Variants in NKAIN2 observed in about 807,000 individuals in gnomAD.
NKAIN2 encodes the protein sodium/potassium-transporting ATPase subunit beta-1-interacting protein 2.
A neutral mutation model predicts 32.6 loss-of-function variants in NKAIN2; 14 were observed. The observed-to-expected ratio is 0.43, with a 90% CI of 0.28 to 0.67. The LOEUF is 0.67. Ranked by LOEUF, NKAIN2 falls within the 30% of genes least tolerant of loss-of-function variation. The pLI, the probability that NKAIN2 is intolerant of heterozygous loss-of-function variation, is 0.17. For missense variants in NKAIN2, 198 were observed against 258.3 expected, an observed-to-expected ratio of 0.77 and a Z score of 1.60; for synonymous variants, 80 against 87.2, an observed-to-expected ratio of 0.92 and a Z score of 0.46.
intron 3 of NKAIN2, among the ~76,000 whole-genome samples, chr6:124,361,084 A>G (rs775639189): frequency 8.5e-5 from 13 of 152,168 alleles, no homozygotes; most frequent in Non-Finnish European, 1.9e-4. Flanking sequence ...CACAGAAGAG[A>G]TATGCTATTT....
At chr6:124,582,951 G>A (rs1295212271) in intron 3 of NKAIN2, among the ~76,000 whole-genome samples, 1 of 151,942 alleles carries the variant, frequency 6.6e-6, no homozygotes, top group Non-Finnish European at 1.5e-5. Flanking sequence ...AAAAAACTAG[G>A]TATAGAAGGA....
chr6:123,910,007 C>A (rs1775092825), intron 1 of NKAIN2, among the ~76,000 whole-genome samples: 1 of 151,904 alleles, frequency 6.6e-6, no homozygotes, highest in South Asian at 2.1e-4. Context: ...AAAAATGTAA[C>A]CGTAACAGTG....
At chr6:124,166,599 A>G (rs998320687) in intron 1 of NKAIN2, among the ~76,000 whole-genome samples, 7 of 151,574 alleles carry the variant, frequency 4.6e-5, no homozygotes, top group African/African-American at 1.5e-4. Context: ...GCCCATGCCT[A>G]TGTCCTGAAT....
At position 124,803,285 on chromosome 6, in the gene NKAIN2, C is replaced by G. The variant is rs184098172; in HGVS notation, c.535+11886C>G. On this transcript the variant is annotated intron_variant, in intron 5 of 6. Coordinates refer to ENST00000368417, the MANE Select transcript of NKAIN2 (RefSeq NM_001040214.3). ...AATTATTCTTTTGTCTTCTTGCAACCCTGCCCAAATCTGAGAGGAACAGGT... is the reference window on the plus strand; with the variant it reads ...AATTATTCTTTTGTCTTCTTGCAACGCTGCCCAAATCTGAGAGGAACAGGT... Among the ~76,000 whole-genome samples, 514 of 152,296 alleles carry G rather than the reference C, an allele frequency of 3.4e-3. 5 individuals are homozygous for G. Among genetic ancestry groups the G allele is most frequent in the Non-Finnish European group, 3.6e-3 (243 of 68,032 alleles).
At chr6:124,779,209 A>C (rs1031544386) in intron 4 of NKAIN2, among the ~76,000 whole-genome samples, 6 of 148,940 alleles carry the variant, frequency 4.0e-5, no homozygotes, top group African/African-American at 1.2e-4. Context: ...GTGCCACTGC[A>C]TTCCAGCCTG....
At chr6:124,368,398 A>G (rs1009467865) in intron 3 of NKAIN2, among the ~76,000 whole-genome samples, 1 of 152,088 alleles carries the variant, frequency 6.6e-6, no homozygotes, top group Admixed American at 6.6e-5. Flanking sequence ...AACTGCTTTA[A>G]TTTGTACTTT....
At chr6:123,835,562 A>C (rs1774582057) in intron 1 of NKAIN2, among the ~76,000 whole-genome samples, 1 of 152,054 alleles carries the variant, frequency 6.6e-6, no homozygotes, top group Admixed American at 6.6e-5. Context: ...TGTGGTGTTT[A>C]CTCTTCAATT....
chr6:123,823,556 A>T (rs888627186), intron 1 of NKAIN2, among the ~76,000 whole-genome samples: 1 of 152,162 alleles, frequency 6.6e-6, no homozygotes, highest in Admixed American at 6.6e-5. Flanking sequence ...GGTGATGGAA[A>T]TGTACCTAGA....
intron 1 of NKAIN2, among the ~76,000 whole-genome samples, chr6:123,822,222 A>G (rs758882441): frequency 6.6e-6 from 1 of 152,094 alleles, no homozygotes; most frequent in Non-Finnish European, 1.5e-5. Context: ...AAAAACTCCT[A>G]GTGTTCTGAC....
intron 4 of NKAIN2, among the ~76,000 whole-genome samples, chr6:124,758,098 A>T (rs1778050100): frequency 6.6e-6 from 1 of 152,046 alleles, no homozygotes; most frequent in Non-Finnish European, 1.5e-5. Flanking sequence ...TCATTTGGGG[A>T]TTATTTTCTT....
At chr6:123,862,346 C>G (rs569622944) in intron 1 of NKAIN2, among the ~76,000 whole-genome samples, 1 of 152,216 alleles carries the variant, frequency 6.6e-6, no homozygotes, top group Admixed American at 6.5e-5. Flanking sequence ...TTGACTCTAT[C>G]TTAGTTTTAT....
chr6:124,547,225 G>GATTT, intron 3 of NKAIN2, among the ~76,000 whole-genome samples: 1 of 152,178 alleles, frequency 6.6e-6, no homozygotes, highest in African/African-American at 2.4e-5. Context: ...AAAATTAAAT[G>GATTT]TCTAAAATGC....
chr6:124,707,182 A>T (rs1211645925), intron 4 of NKAIN2, among the ~76,000 whole-genome samples: 2 of 152,058 alleles, frequency 1.3e-5, no homozygotes, highest in African/African-American at 4.8e-5. Context: ...ATCATATTTT[A>T]TGGCTGCATA....
intron 1 of NKAIN2, among the ~76,000 whole-genome samples, chr6:123,994,054 A>G (rs1779516906): frequency 6.6e-6 from 1 of 152,170 alleles, no homozygotes; most frequent in African/African-American, 2.4e-5. Flanking sequence ...TTCCCCAGAG[A>G]GAACTCAGAT....
At chr6:124,765,597 C>T (rs1267241308) in intron 4 of NKAIN2, among the ~76,000 whole-genome samples, 2 of 152,196 alleles carry the variant, frequency 1.3e-5, no homozygotes, top group Non-Finnish European at 2.9e-5. Flanking sequence ...TCACACTCCT[C>T]TTAAGTTGTT....
At chr6:123,895,256 A>G (rs1774226614) in intron 1 of NKAIN2, among the ~76,000 whole-genome samples, 1 of 151,932 alleles carries the variant, frequency 6.6e-6, no homozygotes, top group Non-Finnish European at 1.5e-5. Context: ...CAGCAGCAGC[A>G]GCAGCAGCAG....
intron 4 of NKAIN2, among the ~76,000 whole-genome samples, chr6:124,769,839 T>G (rs1032987104): frequency 6.6e-6 from 1 of 152,184 alleles, no homozygotes; most frequent in Non-Finnish European, 1.5e-5. Context: ...GATTCATGAC[T>G]TGAGAAGATA....
chr6:124,727,934 A>G (rs577544528), intron 4 of NKAIN2, among the ~76,000 whole-genome samples: 267 of 148,566 alleles, frequency 1.8e-3, no homozygotes, highest in African/African-American at 6.1e-3. Context: ...CAGACTTTAA[A>G]CCAACAAAGA....
At chr6:124,360,064 C>T (rs140828295) in intron 3 of NKAIN2, among the ~76,000 whole-genome samples, 112 of 152,152 alleles carry the variant, frequency 7.4e-4, no homozygotes, top group African/African-American at 2.6e-3. Context: ...TGTTTATATG[C>T]TGGATTACGT....
Sources: gnomAD v4.1 joint callset for allele counts (sites outside exome capture counted in the v4.1 genomes callset) on GRCh38, gnomAD v4.1.1 for gene constraint, MANE v1.5 for transcripts, NCBI Gene and HGNC (gene_info 2026-07-23, HGNC 2026-07-21) for gene names.